The following DEPDC5 variants were observed in gnomAD, a reference collection of about 807,000 sequenced individuals.
DEPDC5 encodes GATOR1 complex protein DEPDC5.
In DEPDC5, 73 loss-of-function variants were observed where a neutral mutation model predicts 217.3. The observed-to-expected ratio is 0.34, with a 90% CI of 0.28 to 0.41. The LOEUF (loss-of-function observed/expected upper bound fraction) is 0.41, where lower values mean the gene tolerates loss of function less well. Among genes scored for constraint, DEPDC5 ranks in the 10% least tolerant of loss-of-function variants. The probability of loss-of-function intolerance (pLI) is 1.00; values close to 1 mark genes in which losing one functional copy is unlikely to be tolerated. For missense variants in DEPDC5, 1,675 were observed against 2,070.1 expected (o/e 0.81, Z 3.70); for synonymous variants, 733 against 756.7 (o/e 0.97, Z 0.51).
chr22:31,786,698 G>A (rs938727367), intron 10 of DEPDC5, among the ~76,000 whole-genome samples: 4 of 151,876 alleles, frequency 2.6e-5, no homozygotes, highest in Non-Finnish European at 5.9e-5. Context: ...TGAAATTCCT[G>A]TGCTCAAGGG....
intron 2 of DEPDC5, chr22:31,755,542 T>C (rs926201612): frequency 6.6e-6 from 1 of 152,326 alleles, no homozygotes; most frequent in East Asian, 1.9e-4. Flanking sequence ...GAATAGTTTC[T>C]CTTAACATCT....
chr22:31,794,529 A>T (rs985045142), intron 12 of DEPDC5, among the ~76,000 whole-genome samples: 3 of 152,142 alleles, frequency 2.0e-5, no homozygotes, highest in African/African-American at 7.2e-5. Flanking sequence ...AACGTTTTTT[A>T]GATTGAGAGA....
At chr22:31,868,834 A>G (rs892084514) in intron 33 of DEPDC5, among the ~76,000 whole-genome samples, 2 of 152,178 alleles carry the variant, frequency 1.3e-5, no homozygotes, top group Admixed American at 1.3e-4. Context: ...AGAGCCTTAC[A>G]CTTTTCCAGA....
At position 31,765,026 on chromosome 22, in the gene DEPDC5, A is replaced by T. The variant is rs1417599681; in HGVS notation, c.245A>T (p.Tyr82Phe). 6.2e-7 allele frequency: 1 copy of T among 1,614,154 alleles called. No homozygotes were observed. Among genetic ancestry groups the T allele is most frequent in the South Asian group, 1.1e-5 (1 of 91,078 alleles). Reference protein sequence around the residue: ...TVTQVFRLRPYQDVYVNVVDP... With the variant: ...TVTQVFRLRPFQDVYVNVVDP... ...ACTCAAGTGTTCCGGCTGAGACCTT[A>T]TCAGGATGTCTATGTTAATGTCGTA... is the stretch of plus-strand genomic sequence containing the variant. The change falls in exon 5 of 43, where the codon TAT (tyrosine) becomes TTT (phenylalanine). Residue 82 changes from tyrosine (Y) to phenylalanine (F), a missense_variant. Tyr to Phe is a conservative substitution (Grantham distance 22). Coordinates refer to ENST00000651528, the MANE Select transcript of DEPDC5 (RefSeq NM_001242896.3).
intron 30 of DEPDC5, among the ~76,000 whole-genome samples, chr22:31,845,702 G>A (rs1020351717): frequency 1.3e-5 from 2 of 152,060 alleles, no homozygotes; most frequent in Non-Finnish European, 2.9e-5. Context: ...GCTATAAGGG[G>A]CAGAACTGGG....
intron 2 of DEPDC5, among the ~76,000 whole-genome samples, chr22:31,756,210 T>C (rs541859285): frequency 6.6e-6 from 1 of 152,132 alleles, no homozygotes; most frequent in South Asian, 2.1e-4. Flanking sequence ...TATTTTAGGG[T>C]GTATTTACTT....
chr22:31,776,200 C>T (rs1322248271), intron 7 of DEPDC5, among the ~76,000 whole-genome samples: 2 of 151,846 alleles, frequency 1.3e-5, no homozygotes, highest in Non-Finnish European at 2.9e-5. Context: ...CAGCCTTGAC[C>T]TGTGAGGCCC....
At chr22:31,846,804 G>A in intron 30 of DEPDC5, 30 bp from the exon 31 acceptor site, 7 of 1,614,096 alleles carry the variant, frequency 4.3e-6, no homozygotes, top group Non-Finnish European at 5.9e-6. Context: ...CCACTTGGCT[G>A]ATGGCCTTGT....
At chr22:31,881,203 G>T (rs145269824) in intron 38 of DEPDC5, among the ~76,000 whole-genome samples, 6,474 of 151,730 alleles carry the variant, frequency 0.043, 202 homozygotes, top group Non-Finnish European at 0.049. Context: ...TCCGGAGGCC[G>T]AGGCAGGAGA....
chr22:31,876,253 G>C lies in DEPDC5; in HGVS notation c.3793G>C (p.Glu1265Gln). 6.2e-7 allele frequency: 1 copy of C among 1,613,560 alleles called. No individual in the cohort carries two copies. Among genetic ancestry groups the C allele is most frequent in the South Asian group, 1.1e-5 (1 of 91,048 alleles). The change falls in exon 37 of 43, where the codon GAG becomes CAG. Residue 1265 changes from glutamate (E) to glutamine (Q), a missense_variant. Coordinates refer to ENST00000651528, the MANE Select transcript of DEPDC5 (RefSeq NM_001242896.3). ...FYFYKIVTDK[E>Q]PDRVAMQQPA... ...TTTCTACAAGATAGTAACGGACAAA[G>C]AGCCCGACCGAGGTTAGAGCCGAGG...
intron 20 of DEPDC5, among the ~76,000 whole-genome samples, chr22:31,813,454 T>C (rs935172049): frequency 6.6e-6 from 1 of 152,136 alleles, no homozygotes; most frequent in Non-Finnish European, 1.5e-5. Flanking sequence ...AGAACAAACA[T>C]GTAGTCAGCA....
intron 38 of DEPDC5, chr22:31,891,178 C>G (rs749287956): frequency 2.9e-5 from 16 of 550,624 alleles, no homozygotes; most frequent in Non-Finnish European, 5.5e-5. Flanking sequence ...TTTAAACTGT[C>G]AAGTACTAGG....
rs762484005 is a variant in DEPDC5, at chr22:31,819,075, A to G, written c.1720A>G (p.Arg574Gly). 9 of 1,613,998 alleles carry G rather than the reference A, an allele frequency of 5.6e-6. No homozygotes were observed. Among genetic ancestry groups the G allele is most frequent in the African/African-American group, 1.3e-5 (1 of 74,906 alleles). The stretch of plus-strand genomic sequence containing the variant: ...ACAGCGAGACTCCAGTGCACCAGGG[A>G]GGTTTCACGTTGGCAGTGCAGAATC... ...PPQRDSSAPG[R>G]FHVGSAESML... The change falls in exon 22 of 43, where the codon AGG becomes GGG. Residue 574 changes from arginine to glycine, a missense_variant. Transcript: ENST00000651528.
chr22:31,854,558 G>T (rs955947255), intron 31 of DEPDC5, among the ~76,000 whole-genome samples: 6 of 152,210 alleles, frequency 3.9e-5, no homozygotes, highest in African/African-American at 1.4e-4. Flanking sequence ...CAGAAGGAAT[G>T]ATGGACTGTC....
chr22:31,792,633 G>C lies in DEPDC5; in HGVS notation c.695-112G>C, dbSNP rs1261152571. 2.9e-5 allele frequency: 5 copies of C among 170,336 alleles called. No homozygotes were observed. In the East Asian group the frequency reaches 5.8e-4, roughly 20 times the overall value. 10.6% of individuals were successfully genotyped at this position (170,336 alleles called of 1,614,324 possible). On this transcript the variant is annotated intron_variant, in intron 11 of 42. Transcript: ENST00000651528. ...AAAAAAAAAAAAAAAAAAAAAAAAA[G>C]ACAGTTATCTTTATTTTTTTGTGAT...
At chr22:31,807,314 A>G (rs2087669814) in intron 18 of DEPDC5, among the ~76,000 whole-genome samples, 1 of 152,222 alleles carries the variant, frequency 6.6e-6, no homozygotes, top group Admixed American at 6.6e-5. Context: ...TTTATTTATA[A>G]TTGTGAGAAG....
At chr22:31,806,216 G>A (rs1220837775) in intron 18 of DEPDC5, 25 bp downstream of exon 18, 7 of 1,596,314 alleles carry the variant, frequency 4.4e-6, no homozygotes, top group Middle Eastern at 1.7e-4. Flanking sequence ...TTGTTAAGAC[G>A]GGGTCTTATT....
chr22:31,822,984 A>G (rs1380110291), intron 24 of DEPDC5, 194 bp downstream of exon 24: 4 of 559,082 alleles, frequency 7.2e-6, no homozygotes. Flanking sequence ...TTTTTAGCTC[A>G]GAACATGTTG....
intron 12 of DEPDC5, among the ~76,000 whole-genome samples, chr22:31,797,352 AC>A (rs2086357277): frequency 6.6e-6 from 1 of 152,160 alleles, no homozygotes; most frequent in Admixed American, 6.6e-5. Flanking sequence ...GGCATGTCTT[AC>A]CATGGTGAAG....
Sources: gnomAD v4.1 joint callset for allele counts (sites outside exome capture counted in the v4.1 genomes callset) on GRCh38, gnomAD v4.1.1 for gene constraint, MANE v1.5 for transcripts, NCBI Gene and HGNC (gene_info 2026-07-23, HGNC 2026-07-21) for gene names.